Variants in SPATA16 observed in about 807,000 individuals in gnomAD.
SPATA16 encodes the protein spermatogenesis associated 16.
In SPATA16, 36 loss-of-function variants were observed where a neutral mutation model predicts 63.3. The ratio of observed to expected loss-of-function variants is 0.57; its 90% CI spans 0.44 to 0.75. SPATA16 has a LOEUF of 0.75. Ranked by LOEUF, SPATA16 falls within the 30% of genes least tolerant of loss-of-function variation. SPATA16 has a pLI of 0.00. For missense variants in SPATA16, 646 were observed against 679.3 expected, an observed-to-expected ratio of 0.95 and a Z score of 0.54; for synonymous variants, 203 against 216.7, an observed-to-expected ratio of 0.94 and a Z score of 0.56.
chr3:173,003,453 A>G (rs942906205), intron 4 of SPATA16, among the ~76,000 whole-genome samples: 2 of 152,226 alleles, frequency 1.3e-5, no homozygotes, highest in African/African-American at 2.4e-5. Context: ...CTTGACATAA[A>G]ATAAAGCACA....
rs1180070033 is a variant in SPATA16 at position 173,089,001 on chromosome 3, C to T, written c.612+28119G>A. Among the ~76,000 whole-genome samples the T allele has an allele frequency of 3.9e-5, 6 of 152,206 alleles. No individual in the cohort carries two copies. The East Asian group carries it at 5.8e-4, about 15-fold the overall frequency. The stretch of plus-strand genomic sequence containing the variant: ...AAGCTGTCCAAGGATGAACGGACCA[C>T]CCCAGAATGAACTGAATTCCCTTTC... On this transcript the variant is annotated intron_variant, in intron 2 of 10. Coordinates refer to ENST00000351008, the MANE Select transcript of SPATA16 (RefSeq NM_031955.6).
At chr3:173,017,226 T>C (rs1393351222) in intron 4 of SPATA16, among the ~76,000 whole-genome samples, 1 of 152,194 alleles carries the variant, frequency 6.6e-6, no homozygotes, top group Non-Finnish European at 1.5e-5. Context: ...TGCATCTCTA[T>C]AGAAACTGCA....
At chr3:172,951,386 G>T (rs934155412) in intron 6 of SPATA16, among the ~76,000 whole-genome samples, 1 of 151,816 alleles carries the variant, frequency 6.6e-6, no homozygotes, top group Admixed American at 6.6e-5. Flanking sequence ...CAGTCTCATA[G>T]AAATTATAAG....
At chr3:172,990,247 G>T (rs76802524) in intron 4 of SPATA16, among the ~76,000 whole-genome samples, 2,401 of 152,176 alleles carry the variant, frequency 0.016, 58 homozygotes, top group African/African-American at 0.054. Context: ...TTGAAGTTTT[G>T]CTCATTGCCA....
At chr3:173,076,765 A>G (rs978225831) in intron 2 of SPATA16, among the ~76,000 whole-genome samples, 2 of 152,156 alleles carry the variant, frequency 1.3e-5, no homozygotes, top group African/African-American at 4.8e-5. Flanking sequence ...GAAAAATGTC[A>G]GTATGTTTTT....
intron 4 of SPATA16, among the ~76,000 whole-genome samples, chr3:173,018,658 C>A (rs1324260281): frequency 1.3e-5 from 2 of 152,140 alleles, no homozygotes; most frequent in Non-Finnish European, 2.9e-5. Context: ...ACAGTAGTCA[C>A]CTGCAACCTA....
At chr3:173,088,499 A>G (rs905144462) in intron 2 of SPATA16, among the ~76,000 whole-genome samples, 2 of 141,692 alleles carry the variant, frequency 1.4e-5, no homozygotes, top group African/African-American at 6.4e-5. Context: ...ATTTTTACAC[A>G]TATGTGTGTA....
At chr3:172,921,103 C>T (rs1056639901) in intron 8 of SPATA16, among the ~76,000 whole-genome samples, 8 of 147,270 alleles carry the variant, frequency 5.4e-5, no homozygotes, top group South Asian at 2.1e-4. Flanking sequence ...AGTCTCACTA[C>T]GTTGTCCAGG....
intron 4 of SPATA16, among the ~76,000 whole-genome samples, chr3:172,981,748 T>C (rs1358838322): frequency 1.3e-5 from 2 of 152,224 alleles, no homozygotes; most frequent in Non-Finnish European, 2.9e-5. Flanking sequence ...GTATTAGTTT[T>C]GGTGGTGTTT....
At chr3:173,017,468 T>G (rs1208924662) in intron 4 of SPATA16, among the ~76,000 whole-genome samples, 2 of 152,220 alleles carry the variant, frequency 1.3e-5, no homozygotes, top group East Asian at 3.8e-4. Flanking sequence ...ATGTCATTAC[T>G]TTGGCTCCAA....
At chr3:173,058,782 A>G (rs1237476241) in intron 2 of SPATA16, among the ~76,000 whole-genome samples, 1 of 152,000 alleles carries the variant, frequency 6.6e-6, no homozygotes, top group East Asian at 1.9e-4. Context: ...ATTTTAAAAA[A>G]TGTGTCATTT....
intron 6 of SPATA16, among the ~76,000 whole-genome samples, chr3:172,942,459 A>T (rs1379980183): frequency 6.6e-6 from 1 of 152,202 alleles, no homozygotes; most frequent in East Asian, 1.9e-4. Flanking sequence ...AAAAACGTTA[A>T]CATTAAGGTG....
intron 5 of SPATA16, among the ~76,000 whole-genome samples, chr3:172,960,445 T>C (rs1026342910): frequency 6.6e-6 from 1 of 152,252 alleles, no homozygotes; most frequent in African/African-American, 2.4e-5. Context: ...CTAATAACTC[T>C]CTTTTGTTAC....
intron 3 of SPATA16, among the ~76,000 whole-genome samples, chr3:173,036,372 C>A (rs1735715651): frequency 6.6e-6 from 1 of 151,990 alleles, no homozygotes; most frequent in Non-Finnish European, 1.5e-5. Context: ...TGCTTTAAGA[C>A]TTTTCTGATG....
intron 2 of SPATA16, among the ~76,000 whole-genome samples, chr3:173,053,083 CAG>C (rs1466183707): frequency 6.6e-6 from 1 of 152,202 alleles, no homozygotes; most frequent in African/African-American, 2.4e-5. Context: ...AGGCCTGGCA[CAG>C]TGCCTCATCC....
At chr3:173,041,361 TAAGTAGGAAGA>T (rs1300325235) in intron 3 of SPATA16, among the ~76,000 whole-genome samples, 2 of 152,118 alleles carry the variant, frequency 1.3e-5, no homozygotes, top group Non-Finnish European at 2.9e-5. Flanking sequence ...CAGAAGGAAG[TAAGTAGGAAGA>T]AACATTCTCT....
intron 5 of SPATA16, among the ~76,000 whole-genome samples, chr3:172,971,458 A>G (rs16846349): frequency 0.039 from 5,937 of 152,238 alleles, 395 homozygotes; most frequent in African/African-American, 0.14. Flanking sequence ...ATGCATTTTG[A>G]TGGTGGTGCA....
chr3:173,059,512 A>C (rs906107168), intron 2 of SPATA16, among the ~76,000 whole-genome samples: 2 of 151,820 alleles, frequency 1.3e-5, no homozygotes, highest in East Asian at 3.9e-4. Context: ...TCTTTGCTTT[A>C]CTTAGGAAAA....
chr3:173,005,280 C>T (rs184972572), intron 4 of SPATA16, among the ~76,000 whole-genome samples: 28 of 145,332 alleles, frequency 1.9e-4, no homozygotes, highest in African/African-American at 6.6e-4. Context: ...GCTGAGATTG[C>T]GCTACTGCAC....
Sources: gnomAD v4.1 joint callset for allele counts (sites outside exome capture counted in the v4.1 genomes callset) on GRCh38, gnomAD v4.1.1 for gene constraint, MANE v1.5 for transcripts, NCBI Gene and HGNC (gene_info 2026-07-23, HGNC 2026-07-21) for gene names.